ANO3: variants seen among roughly 807,000 people sequenced by gnomAD.
ANO3 encodes anoctamin-3.
ANO3 carries 99 observed loss-of-function variants against 144.8 expected under a neutral mutation model. The observed-to-expected ratio is 0.68, with a 90% CI of 0.58 to 0.81. ANO3 has a LOEUF of 0.81. Among genes scored for constraint, ANO3 ranks in the 30% least tolerant of loss-of-function variants. The pLI is 0.00. For missense variants in ANO3, 905 were observed against 1,202.2 expected (o/e 0.75, Z 3.66); for synonymous variants, 414 against 392.6 (o/e 1.05, Z -0.64).
intron 1 of ANO3, among the ~76,000 whole-genome samples, chr11:26,222,285 A>T (rs11601216): frequency 6.6e-6 from 1 of 152,112 alleles, no homozygotes; most frequent in South Asian, 2.1e-4. Flanking sequence ...TCCATATACC[A>T]CATCCAGTGC....
At chr11:26,457,118 T>C (rs1859193680) in intron 3 of ANO3, among the ~76,000 whole-genome samples, 1 of 148,720 alleles carries the variant, frequency 6.7e-6, no homozygotes, top group Admixed American at 6.7e-5. Flanking sequence ...GAGATATACC[T>C]AATGCTAGAT....
intron 1 of ANO3, among the ~76,000 whole-genome samples, chr11:26,313,699 AAAAG>A (rs1016812724): frequency 9.2e-4 from 140 of 152,070 alleles, no homozygotes; most frequent in African/African-American, 3.2e-3. Flanking sequence ...AAAAAATAAA[AAAAG>A]AAAGAAAGAA....
intron 1 of ANO3, among the ~76,000 whole-genome samples, chr11:26,217,053 A>T (rs1852048176): frequency 6.6e-6 from 1 of 152,046 alleles, no homozygotes. Flanking sequence ...TTCAACAAAG[A>T]ATTTTTAATT....
intron 1 of ANO3, among the ~76,000 whole-genome samples, chr11:26,303,909 G>A (rs1854297139): frequency 6.6e-6 from 1 of 151,898 alleles, no homozygotes; most frequent in African/African-American, 2.4e-5. Flanking sequence ...TAGTAGAGTA[G>A]GGGTTTCACC....
At chr11:26,210,967 G>A (rs1037819987) in intron 1 of ANO3, among the ~76,000 whole-genome samples, 4 of 151,976 alleles carry the variant, frequency 2.6e-5, no homozygotes, top group African/African-American at 9.7e-5. Flanking sequence ...AAATTAACAA[G>A]GATATTCAGG....
At chr11:26,385,691 C>A (rs544690506) in intron 1 of ANO3, among the ~76,000 whole-genome samples, 9 of 152,004 alleles carry the variant, frequency 5.9e-5, no homozygotes, top group Non-Finnish European at 1.0e-4. Context: ...CCATATTCCT[C>A]TTCACATCTC....
intron 4 of ANO3, among the ~76,000 whole-genome samples, chr11:26,465,718 A>G (rs538931398): frequency 6.6e-6 from 1 of 152,042 alleles, no homozygotes; most frequent in Non-Finnish European, 1.5e-5. Context: ...ACAAAGAAAT[A>G]CAGAAAAACA....
intron 14 of ANO3, among the ~76,000 whole-genome samples, chr11:26,561,558 C>G (rs1850293923): frequency 6.6e-6 from 1 of 151,232 alleles, no homozygotes; most frequent in Admixed American, 6.6e-5. Flanking sequence ...ATTTCAAAGC[C>G]TTGTCAACAT....
At chr11:26,435,772 C>T (rs377288205) in intron 1 of ANO3, among the ~76,000 whole-genome samples, 1 of 152,166 alleles carries the variant, frequency 6.6e-6, no homozygotes, top group Non-Finnish European at 1.5e-5. Flanking sequence ...CCAGCTCTTT[C>T]ACCTGTTAAC....
chr11:26,193,679 T>C (rs889206548), intron 1 of ANO3, among the ~76,000 whole-genome samples: 1 of 152,196 alleles, frequency 6.6e-6, no homozygotes, highest in African/African-American at 2.4e-5. Flanking sequence ...TATTTGATAT[T>C]CTTATTTTTT....
intron 4 of ANO3, among the ~76,000 whole-genome samples, chr11:26,463,571 G>T (rs1236048691): frequency 1.3e-5 from 2 of 151,760 alleles, no homozygotes; most frequent in African/African-American, 4.8e-5. Flanking sequence ...ATATGCTTCT[G>T]GTTGTCTGCT....
chr11:26,250,820 C>T (rs1263306013), intron 1 of ANO3, among the ~76,000 whole-genome samples: 1 of 152,090 alleles, frequency 6.6e-6, no homozygotes, highest in African/African-American at 2.4e-5. Flanking sequence ...CCAGTAAATC[C>T]ATAGGAAGTT....
chr11:26,553,196 G>A, intron 12 of ANO3, 53 bp from the exon 13 acceptor site: 1 of 1,220,548 alleles, frequency 8.2e-7, no homozygotes, highest in South Asian at 1.3e-5. Context: ...TGAATTCTTA[G>A]TCACAGTTTC....
intron 1 of ANO3, among the ~76,000 whole-genome samples, chr11:26,295,247 C>A (rs1854059338): frequency 6.6e-6 from 1 of 151,938 alleles, no homozygotes; most frequent in Non-Finnish European, 1.5e-5. Flanking sequence ...TATTTTATAA[C>A]CCTCTTATGA....
intron 1 of ANO3, among the ~76,000 whole-genome samples, chr11:26,346,494 C>T (rs771566807): frequency 2.0e-5 from 3 of 152,112 alleles, no homozygotes; most frequent in Non-Finnish European, 4.4e-5. Flanking sequence ...AACCACCTTC[C>T]TTCAGAATAC....
intron 1 of ANO3, among the ~76,000 whole-genome samples, chr11:26,198,630 G>T (rs562077851): frequency 6.6e-6 from 1 of 152,208 alleles, no homozygotes; most frequent in African/African-American, 2.4e-5. Flanking sequence ...TCGTGTGTTT[G>T]TCAGTTTATT....
intron 4 of ANO3, among the ~76,000 whole-genome samples, chr11:26,484,491 A>G (rs1026747511): frequency 6.6e-6 from 1 of 152,176 alleles, no homozygotes; most frequent in Non-Finnish European, 1.5e-5. Context: ...GTTGAGGCTT[A>G]TGAGCCTCCA....
intron 1 of ANO3, among the ~76,000 whole-genome samples, chr11:26,375,764 C>G (rs1037900): frequency 0.54 from 82,221 of 152,014 alleles, 23,290 homozygotes; most frequent in East Asian, 0.68. Flanking sequence ...AATTGCAAAG[C>G]TGTCACAGAC....
At chr11:26,395,457 C>T (rs1185398372) in intron 1 of ANO3, among the ~76,000 whole-genome samples, 1 of 152,096 alleles carries the variant, frequency 6.6e-6, no homozygotes, top group Non-Finnish European at 1.5e-5. Context: ...TTTCCTTGAG[C>T]AGTGGTTTGT....
Sources: allele counts gnomAD v4.1 joint callset (sites outside exome capture counted in the v4.1 genomes callset), GRCh38; gene constraint gnomAD v4.1.1; transcripts MANE v1.5; gene names NCBI Gene and HGNC (gene_info 2026-07-23, HGNC 2026-07-21).